Variants in SAMMSON observed in about 807,000 individuals in gnomAD.
SAMMSON encodes long intergenic non-protein coding RNA 1212.
At chr3:70,119,239 A>G (rs9853962) in intron 4 of SAMMSON, among the ~76,000 whole-genome samples, 84,708 of 151,744 alleles carry the variant, frequency 0.56, 24,863 homozygotes, top group East Asian at 0.94. Context: ...GCTAATTTTT[A>G]TATTTTTAGT....
chr3:70,340,177 G>A (rs1408380977), intron 7 of SAMMSON, among the ~76,000 whole-genome samples: 1 of 149,080 alleles, frequency 6.7e-6, no homozygotes, highest in Non-Finnish European at 1.5e-5. Context: ...TCACTCATAG[G>A]TGGGGATTGA....
intron 2 of SAMMSON, among the ~76,000 whole-genome samples, chr3:70,433,060 C>T (rs1235221729): frequency 2.0e-5 from 3 of 152,048 alleles, no homozygotes; most frequent in Non-Finnish European, 4.4e-5. Context: ...GTTTGTCTGT[C>T]CATTCATCTA....
At chr3:70,344,224 A>T (rs975422496) in intron 7 of SAMMSON, among the ~76,000 whole-genome samples, 2 of 152,100 alleles carry the variant, frequency 1.3e-5, no homozygotes, top group Admixed American at 1.3e-4. Flanking sequence ...TCCCTATCCC[A>T]TACCTGTATA....
At chr3:70,206,658 G>T in intron 4 of SAMMSON, 1 of 397,862 alleles carries the variant, frequency 2.5e-6, no homozygotes, top group Non-Finnish European at 4.4e-6. Context: ...TGATGTGCTG[G>T]ATTCTGACAG....
At chr3:70,208,073 A>G (rs183411320) in intron 4 of SAMMSON, among the ~76,000 whole-genome samples, 5 of 152,204 alleles carry the variant, frequency 3.3e-5, no homozygotes, top group Admixed American at 1.3e-4. Flanking sequence ...TCATAAAATC[A>G]TGTTAGAGAG....
At chr3:70,351,527 T>C (rs1231620222) in intron 7 of SAMMSON, among the ~76,000 whole-genome samples, 2 of 152,090 alleles carry the variant, frequency 1.3e-5, no homozygotes, top group Non-Finnish European at 2.9e-5. Context: ...ATATTATATA[T>C]TTAAAATGCC....
chr3:70,266,466 G>A (rs1455212521), intron 6 of SAMMSON, among the ~76,000 whole-genome samples: 5 of 151,860 alleles, frequency 3.3e-5, no homozygotes, highest in Non-Finnish European at 7.4e-5. Context: ...TGTCACCCAG[G>A]CTGGAGAGTA....
At chr3:70,031,235 G>A (rs1351293131) in intron 3 of SAMMSON, among the ~76,000 whole-genome samples, 2 of 152,088 alleles carry the variant, frequency 1.3e-5, no homozygotes, top group African/African-American at 4.8e-5. Flanking sequence ...TCTGATACAT[G>A]CTACAACATA....
chr3:70,424,044 C>A (rs1033191396), intron 2 of SAMMSON, among the ~76,000 whole-genome samples: 11 of 152,032 alleles, frequency 7.2e-5, no homozygotes, highest in Admixed American at 5.9e-4. Flanking sequence ...CATAATGAAG[C>A]AAATTAATTT....
At chr3:70,106,476 G>A (rs996145345) in intron 4 of SAMMSON, among the ~76,000 whole-genome samples, 1 of 150,948 alleles carries the variant, frequency 6.6e-6, no homozygotes, top group Non-Finnish European at 1.5e-5. Context: ...GAGTAGCTGG[G>A]ACCACAGGCA....
rs192461676 is a variant in SAMMSON at position 70,051,805 on chromosome 3, A to G, written n.418-19671A>G. On this transcript the variant is annotated intron_variant and non_coding_transcript_variant, in intron 3 of 9. Coordinates refer to ENST00000642114, the Ensembl canonical transcript of SAMMSON. ...GTAAAAAGTAATATTTAATTTTATTAAAGAGAATTCAGGCTGGTGCAGTGG... is the reference window on the plus strand; with the variant it reads ...GTAAAAAGTAATATTTAATTTTATTGAAGAGAATTCAGGCTGGTGCAGTGG... 7.4e-3 allele frequency among the ~76,000 whole-genome samples: 1,121 copies of G among 152,218 alleles called. 4 individuals carry two copies. The highest frequency in any genetic ancestry group is 0.011 in the Non-Finnish European group (731 of 68,004).
intron 3 of SAMMSON, chr3:70,068,099 T>C (rs972496572): frequency 4.6e-5 from 7 of 152,012 alleles, no homozygotes. Context: ...GAAGGTAACT[T>C]GCTTTTGGAG....
intron 9 of SAMMSON, among the ~76,000 whole-genome samples, chr3:70,376,981 A>G (rs1703022340): frequency 6.6e-6 from 1 of 152,144 alleles, no homozygotes; most frequent in African/African-American, 2.4e-5. Flanking sequence ...AAACCCACTG[A>G]AGTATATAAA....
chr3:70,061,740 A>C (rs72935455), intron 3 of SAMMSON, among the ~76,000 whole-genome samples: 1 of 152,084 alleles, frequency 6.6e-6, no homozygotes, highest in African/African-American at 2.4e-5. Context: ...CCACGGCTAC[A>C]TTCATTCCCC....
intron 3 of SAMMSON, among the ~76,000 whole-genome samples, chr3:70,024,269 G>A (rs746819079): frequency 9.2e-5 from 14 of 152,050 alleles, no homozygotes; most frequent in African/African-American, 3.1e-4. Flanking sequence ...GATGATAAAA[G>A]CTTAATAGTT....
chr3:70,319,281 A>G (rs1702518668), intron 7 of SAMMSON, among the ~76,000 whole-genome samples: 1 of 152,102 alleles, frequency 6.6e-6, no homozygotes, highest in African/African-American at 2.4e-5. Flanking sequence ...ATATTAGGAA[A>G]AGGACAGTGA....
chr3:70,322,025 A>T (rs1482338535), intron 7 of SAMMSON, among the ~76,000 whole-genome samples: 1 of 152,034 alleles, frequency 6.6e-6, no homozygotes, highest in African/African-American at 2.4e-5. Flanking sequence ...TCTCACTAAA[A>T]ACCTAGGAGT....
At chr3:70,339,838 C>T (rs988933811) in intron 7 of SAMMSON, among the ~76,000 whole-genome samples, 1 of 152,168 alleles carries the variant, frequency 6.6e-6, no homozygotes, top group Admixed American at 6.5e-5. Context: ...TTGTAGAAGA[C>T]AGTGTGGCAA....
intron 3 of SAMMSON, among the ~76,000 whole-genome samples, chr3:70,041,224 T>C (rs566006990): frequency 6.6e-6 from 1 of 152,216 alleles, no homozygotes; most frequent in East Asian, 1.9e-4. Context: ...CAAAGACATT[T>C]TGTTGTATGC....
Sources: gnomAD v4.1 joint callset for allele counts (sites outside exome capture counted in the v4.1 genomes callset) on GRCh38, gnomAD v4.1.1 for gene constraint, MANE v1.5 for transcripts, NCBI Gene and HGNC (gene_info 2026-07-23, HGNC 2026-07-21) for gene names.